Variants in SHC3 observed in about 807,000 individuals in gnomAD.
SHC3 encodes the protein SHC-transforming protein 3.
SHC3 carries 15 observed loss-of-function variants against 60.4 expected under a neutral mutation model. The observed-to-expected ratio is 0.25, with a 90% CI of 0.17 to 0.38. The LOEUF (loss-of-function observed/expected upper bound fraction) is 0.38, where lower values mean the gene tolerates loss of function less well. SHC3 is among the 10% of genes least tolerant of loss of function. The pLI is 1.00. For missense variants in SHC3, 677 were observed against 786.1 expected, an observed-to-expected ratio of 0.86 and a Z score of 1.66; for synonymous variants, 294 against 325.9, an observed-to-expected ratio of 0.90 and a Z score of 1.05.
At chr9:89,093,367 A>G (rs2118057831) in intron 2 of SHC3, among the ~76,000 whole-genome samples, 1 of 152,350 alleles carries the variant, frequency 6.6e-6, no homozygotes, top group East Asian at 1.9e-4. Flanking sequence ...AAGGCTGCTG[A>G]CTGAAAAAGG....
chr9:89,112,650 C>T (rs376604852), intron 1 of SHC3, 24 bp from the exon 2 acceptor site: 11 of 1,572,636 alleles, frequency 7.0e-6, no homozygotes, highest in East Asian at 4.7e-5. Flanking sequence ...AAATGTAAAT[C>T]GTGAGCCCTG....
chr9:89,133,084 T>C (rs541571283), intron 1 of SHC3, among the ~76,000 whole-genome samples: 9 of 151,952 alleles, frequency 5.9e-5, no homozygotes, highest in African/African-American at 2.2e-4. Context: ...AACAACCCCA[T>C]CAAAAAGTGG....
intron 2 of SHC3, among the ~76,000 whole-genome samples, chr9:89,107,157 G>A (rs896273285): frequency 6.6e-5 from 10 of 152,114 alleles, no homozygotes; most frequent in Non-Finnish European, 1.0e-4. Flanking sequence ...TGGAGAACTC[G>A]GCCCAAGTCG....
At chr9:89,061,667 C>G (rs1425334810) in intron 6 of SHC3, among the ~76,000 whole-genome samples, 1 of 152,230 alleles carries the variant, frequency 6.6e-6, no homozygotes, top group Non-Finnish European at 1.5e-5. Flanking sequence ...TACCCATGGT[C>G]AACCTCAGTC....
chr9:89,047,099 A>C (rs1824787765), intron 7 of SHC3, 105 bp from the exon 8 acceptor site: 1 of 1,234,026 alleles, frequency 8.1e-7, no homozygotes, highest in Non-Finnish European at 1.1e-6. Context: ...GAGTTTAGTC[A>C]GTGCCTCCTC....
In SHC3 at chr9:89,011,745, C is replaced by T. The variant is rs979602970; in HGVS notation, c.*1702G>A. The T allele has an allele frequency of 2.0e-5, 3 of 152,184 alleles. No homozygotes were observed. Among genetic ancestry groups the T allele is most frequent in the African/African-American group, 7.2e-5 (3 of 41,412 alleles). 9.4% of individuals were successfully genotyped at this position (152,184 alleles called of 1,614,324 possible). ...TGTCAGACTCTCCAGAGTTTCAATCCACTGCAGAACATTCTAGAACACTGA... is the reference window on the plus strand; with the variant it reads ...TGTCAGACTCTCCAGAGTTTCAATCTACTGCAGAACATTCTAGAACACTGA... On this transcript the variant is annotated 3_prime_UTR_variant, in exon 12 of 12. Coordinates refer to ENST00000375835, the MANE Select transcript of SHC3 (RefSeq NM_016848.6).
chr9:89,099,149 T>C (rs1229752559), intron 2 of SHC3, among the ~76,000 whole-genome samples: 1 of 150,268 alleles, frequency 6.7e-6, no homozygotes, highest in East Asian at 1.9e-4. Flanking sequence ...GATTGTAAAA[T>C]AGATTATATT....
intron 1 of SHC3, among the ~76,000 whole-genome samples, chr9:89,125,062 A>AT (rs1447469717): frequency 6.6e-6 from 1 of 152,140 alleles, no homozygotes; most frequent in African/African-American, 2.4e-5. Context: ...AGAATTAGAG[A>AT]TAAACTTCTG....
At chr9:89,127,239 A>G (rs1426567055) in intron 1 of SHC3, among the ~76,000 whole-genome samples, 1 of 152,174 alleles carries the variant, frequency 6.6e-6, no homozygotes, top group Non-Finnish European at 1.5e-5. Context: ...CTCCATGATG[A>G]ACAACTTCTG....
At chr9:89,070,065 A>C (rs944305901) in intron 5 of SHC3, among the ~76,000 whole-genome samples, 11 of 152,190 alleles carry the variant, frequency 7.2e-5, no homozygotes, top group African/African-American at 2.4e-4. Flanking sequence ...AAGATTGCCT[A>C]CTCATAATTT....
At chr9:89,057,257 C>T (rs144990337) in intron 6 of SHC3, among the ~76,000 whole-genome samples, 1 of 151,706 alleles carries the variant, frequency 6.6e-6, no homozygotes, top group African/African-American at 2.4e-5. Flanking sequence ...GGTCAGACAA[C>T]CTTAGTTTGT....
At chr9:89,067,196 T>C (rs1427706495) in intron 5 of SHC3, among the ~76,000 whole-genome samples, 2 of 152,184 alleles carry the variant, frequency 1.3e-5, no homozygotes, top group Non-Finnish European at 2.9e-5. Context: ...TCTGAAGTTA[T>C]TGGCAAAAAC....
chr9:89,107,608 C>G (rs896788407), intron 2 of SHC3, among the ~76,000 whole-genome samples: 1 of 152,226 alleles, frequency 6.6e-6, no homozygotes, highest in African/African-American at 2.4e-5. Flanking sequence ...TCTGCAGGTG[C>G]AGGCTGAGAG....
chr9:89,046,908 G>A lies in SHC3; in HGVS notation c.1049C>T (p.Pro350Leu). Residue 350 changes from proline (P) to leucine (L), a missense_variant, in exon 8 of 12, where the codon CCT (proline) becomes CTT (leucine). By Grantham distance (98) the Pro-to-Leu change is moderately conservative (BLOSUM62 -3). Coordinates refer to ENST00000375835, the MANE Select transcript of SHC3 (RefSeq NM_016848.6). Reference protein sequence around the residue: ...PYYNSIPSKMPPPGGFLDTRL... With the variant: ...PYYNSIPSKMLPPGGFLDTRL... ...AGTATCAAGAAAGCCCCCTGGAGGAGGCATCTTGCTTGGGATGCTGTTGTA... is the reference window on the plus strand; with the variant it reads ...AGTATCAAGAAAGCCCCCTGGAGGAAGCATCTTGCTTGGGATGCTGTTGTA... The A allele has an allele frequency of 6.2e-7, 1 of 1,610,984 alleles. No individual in the cohort carries two copies. Among genetic ancestry groups the A allele is most frequent in the South Asian group, 1.1e-5 (1 of 90,020 alleles).
Position 89,038,178 on chromosome 9 carries a change from G to T in SHC3, c.1471C>A (p.Leu491Met). 6.2e-7 allele frequency: 1 copy of T among 1,614,046 alleles called. No homozygotes were observed. Among genetic ancestry groups the T allele is most frequent in the Admixed American group, 1.7e-5 (1 of 60,006 alleles). ...CAAGTCTCGGCTTGCAGTTCCTCCAGCATCTTGGCATCTGGGGCTCTAGGT... is the reference window on the plus strand; with the variant it reads ...CAAGTCTCGGCTTGCAGTTCCTCCATCATCTTGGCATCTGGGGCTCTAGGT... ...VSPRAPDAKM[L>M]EELQAETWYQ... The change falls in exon 11 of 12, where the codon CTG becomes ATG. Residue 491 changes from leucine to methionine, a missense_variant. Coordinates refer to ENST00000375835, the MANE Select transcript of SHC3 (RefSeq NM_016848.6).
At chr9:89,177,631 C>G (rs1826960449) in intron 1 of SHC3, among the ~76,000 whole-genome samples, 1 of 152,336 alleles carries the variant, frequency 6.6e-6, no homozygotes, top group South Asian at 2.1e-4. Context: ...AGCGCGTTTC[C>G]TAGATACTAG....
chr9:89,149,641 T>C (rs973730594), intron 1 of SHC3, among the ~76,000 whole-genome samples: 2 of 152,186 alleles, frequency 1.3e-5, no homozygotes, highest in Admixed American at 6.5e-5. Context: ...AATATAGCTG[T>C]ACTTTTTACA....
At chr9:89,051,740 G>T (rs544410278) in intron 7 of SHC3, among the ~76,000 whole-genome samples, 20 of 152,344 alleles carry the variant, frequency 1.3e-4, no homozygotes, top group African/African-American at 4.8e-4. Context: ...ACCATCACAT[G>T]GCTGCAGAGG....
At chr9:89,033,025 A>C (rs1331179) in intron 11 of SHC3, among the ~76,000 whole-genome samples, 104,016 of 137,924 alleles carry the variant, frequency 0.75, 37,085 homozygotes, top group East Asian at 0.98. Flanking sequence ...AAGCCCCCCC[A>C]CCGAAGAACA....
Sources: gnomAD v4.1 joint callset for allele counts (sites outside exome capture counted in the v4.1 genomes callset) on GRCh38, gnomAD v4.1.1 for gene constraint, MANE v1.5 for transcripts, NCBI Gene and HGNC (gene_info 2026-07-23, HGNC 2026-07-21) for gene names.